SMU1: variants seen among roughly 807,000 people sequenced by gnomAD.
The protein encoded by SMU1 is SMU1 DNA replication regulator and spliceosomal factor.
Under a neutral mutation model 62.0 loss-of-function variants are expected in SMU1, and 2 were observed. The ratio of observed to expected loss-of-function variants is 0.03; its 90% CI spans 0.01 to 0.10. The LOEUF (loss-of-function observed/expected upper bound fraction) is 0.10, where lower values mean the gene tolerates loss of function less well. SMU1 is among the 10% of genes least tolerant of loss of function. The probability of loss-of-function intolerance (pLI) is 1.00; values close to 1 mark genes in which losing one functional copy is unlikely to be tolerated. For missense variants in SMU1, 227 were observed against 622.1 expected (o/e 0.36, Z 6.76); for synonymous variants, 188 against 212.4 (o/e 0.89, Z 1.00).
intron 4 of SMU1, among the ~76,000 whole-genome samples, chr9:33,063,439 A>G (rs564923318): frequency 1.3e-5 from 2 of 152,338 alleles, no homozygotes; most frequent in East Asian, 1.9e-4. Flanking sequence ...ATGTTCACAT[A>G]ATAAGCACAC....
intron 6 of SMU1, among the ~76,000 whole-genome samples, chr9:33,059,742 A>T (rs1419673074): frequency 6.7e-6 from 1 of 149,926 alleles, no homozygotes; most frequent in Non-Finnish European, 1.5e-5. Flanking sequence ...AGTAGCTGGG[A>T]TTACAGGCAC....
At chr9:33,076,546 C>T (rs201913347) in intron 1 of SMU1, 37 bp downstream of exon 1, 6 of 1,613,028 alleles carry the variant, frequency 3.7e-6, no homozygotes, top group African/African-American at 1.3e-5. Context: ...CCTCCAGGCC[C>T]CCGGCAAGGC....
At chr9:33,063,798 C>A (rs1839390284) in intron 4 of SMU1, among the ~76,000 whole-genome samples, 1 of 151,832 alleles carries the variant, frequency 6.6e-6, no homozygotes, top group Non-Finnish European at 1.5e-5. Flanking sequence ...GACACCCCCA[C>A]CACCATCTGT....
At position 33,050,989 on chromosome 9, in the gene SMU1, C is replaced by T. The variant is rs1201901745; in HGVS notation, c.1290+2134G>A. ...ACAAAAAATTAGCCGGGCGTGGTGG[C>T]GGGCGCCTGTAGTCCCAGCTACTCG... On this transcript the variant is annotated intron_variant, in intron 10 of 11. Coordinates refer to ENST00000397149, the MANE Select transcript of SMU1 (RefSeq NM_018225.3). Among the ~76,000 whole-genome samples the T allele has an allele frequency of 3.0e-5, 3 of 100,070 alleles. 1 individual carries two copies. Among genetic ancestry groups the T allele is most frequent in the African/African-American group, 7.3e-5 (2 of 27,506 alleles). 65.6% of individuals were successfully genotyped at this position (100,070 alleles called of 152,430 possible).
At chr9:33,049,684 A>T (rs1184520411) in intron 10 of SMU1, among the ~76,000 whole-genome samples, 8 of 151,988 alleles carry the variant, frequency 5.3e-5, no homozygotes, top group African/African-American at 1.9e-4. Flanking sequence ...TAATCCCAGC[A>T]CTCTGGGAGG....
At position 33,051,132 on chromosome 9, in the gene SMU1, A is replaced by T. The variant is rs1388051585; in HGVS notation, c.1290+1991T>A. Among the ~76,000 whole-genome samples, 184 of 111,248 alleles carry T rather than the reference A, an allele frequency of 1.7e-3. 16 individuals are homozygous for T. The highest frequency in any genetic ancestry group is 4.1e-3 in the Middle Eastern group (1 of 244). 73.0% of individuals were successfully genotyped at this position (111,248 alleles called of 152,430 possible). On this transcript the variant is annotated intron_variant, in intron 10 of 11. Transcript: ENST00000397149. ...CGAGACTCTGTCTCAAAAAAAAAAA[A>T]AAATAAAAATAAAAATAAAAAATAA...
intron 4 of SMU1, among the ~76,000 whole-genome samples, chr9:33,063,286 C>T (rs1014889168): frequency 6.6e-5 from 10 of 152,012 alleles, no homozygotes; most frequent in African/African-American, 2.4e-4. Flanking sequence ...TGCTTGAACC[C>T]GGGACGCAGA....
At chr9:33,064,021 G>A (rs911724567) in intron 4 of SMU1, among the ~76,000 whole-genome samples, 1 of 151,828 alleles carries the variant, frequency 6.6e-6, no homozygotes, top group African/African-American at 2.4e-5. Context: ...ATCTATCATG[G>A]TCTTACCATT....
In SMU1 at chr9:33,041,796, T is replaced by C. The variant is rs1302611685; in HGVS notation, c.*5497A>G. The C allele has an allele frequency of 1.3e-5, 2 of 152,142 alleles. No individual in the cohort carries two copies. The highest frequency in any genetic ancestry group is 2.4e-5 in the African/African-American group (1 of 41,398). 9.4% of individuals were successfully genotyped at this position (152,142 alleles called of 1,614,324 possible). The stretch of plus-strand genomic sequence containing the variant: ...TACTTCCCCCAAATATGAAGCACTT[T>C]ACTGTTTGATACATGGATGAACCTT... On this transcript the variant is annotated 3_prime_UTR_variant, in exon 12 of 12. Transcript: ENST00000397149.
intron 10 of SMU1, among the ~76,000 whole-genome samples, chr9:33,051,557 G>C (rs139925578): frequency 6.6e-6 from 1 of 152,170 alleles, no homozygotes; most frequent in Non-Finnish European, 1.5e-5. Flanking sequence ...GGCTGTGCCC[G>C]TGGGAGGGAC....
At chr9:33,069,035 G>A in intron 3 of SMU1, 101 bp from the exon 4 acceptor site, 1 of 1,415,234 alleles carries the variant, frequency 7.1e-7, no homozygotes, top group African/African-American at 1.5e-5. Flanking sequence ...AGAGGAAAAT[G>A]TGAAAAGAAA....
intron 1 of SMU1, 21 bp downstream of exon 1, chr9:33,076,562 C>G: frequency 1.2e-6 from 2 of 1,613,656 alleles, no homozygotes; most frequent in Non-Finnish European, 1.7e-6. Context: ...AAGGCGCGAA[C>G]ATCCCCACCG....
chr9:33,045,648 C>G lies in SMU1; in HGVS notation c.*1645G>C, dbSNP rs1839175758. On this transcript the variant is annotated 3_prime_UTR_variant, in exon 12 of 12. Coordinates refer to ENST00000397149, the MANE Select transcript of SMU1 (RefSeq NM_018225.3). ...TCACCTGAGGTCAGGAGTTCAAGAC[C>G]AGCCTGGCCAACATGGCAAAACCCC... is the stretch of plus-strand genomic sequence containing the variant. The G allele has an allele frequency of 6.6e-6, 1 of 152,306 alleles. No individual in the cohort carries two copies. Among genetic ancestry groups the G allele is most frequent in the South Asian group, 2.1e-4 (1 of 4,834 alleles). 9.4% of individuals were successfully genotyped at this position (152,306 alleles called of 1,614,324 possible).
At chr9:33,061,953 C>A (rs1294028485) in intron 5 of SMU1, 96 bp downstream of exon 5, 7 of 1,318,252 alleles carry the variant, frequency 5.3e-6, no homozygotes, top group Non-Finnish European at 7.4e-6. Flanking sequence ...GAGTTCTCCC[C>A]CTCAATTATC....
intron 4 of SMU1, among the ~76,000 whole-genome samples, chr9:33,067,262 T>C (rs1215571951): frequency 1.8e-5 from 2 of 108,806 alleles, no homozygotes; most frequent in Non-Finnish European, 3.6e-5. Context: ...ATAAGACAAA[T>C]CATTTTTCGC....
intron 4 of SMU1, 83 bp from the exon 5 acceptor site, chr9:33,062,260 G>C: frequency 1.3e-6 from 2 of 1,509,358 alleles, no homozygotes; most frequent in Non-Finnish European, 1.8e-6. Flanking sequence ...AAGCCCGAAA[G>C]GATGAGGTTC....
chr9:33,047,069 TA>T lies in SMU1; in HGVS notation c.*223del, dbSNP rs909311963. 2 of 401,460 alleles carry T rather than the reference TA, an allele frequency of 5.0e-6. No individual in the cohort carries two copies. The highest frequency in any genetic ancestry group is 9.0e-5 in the East Asian group (2 of 22,102). 24.9% of individuals were successfully genotyped at this position (401,460 alleles called of 1,614,324 possible). On this transcript the variant is annotated 3_prime_UTR_variant, in exon 12 of 12. Transcript: ENST00000397149. The stretch of plus-strand genomic sequence containing the variant: ...CCAGGTCGAAGATTAATGAAAACAT[TA>T]AGTGACTGCACCAGTTAGAAGAAGA...
chr9:33,053,094 C>G (rs1489048664), intron 10 of SMU1, 29 bp downstream of exon 10: 1 of 1,602,700 alleles, frequency 6.2e-7, no homozygotes, highest in Admixed American at 1.7e-5. Context: ...CCCACAGTTC[C>G]TGTGCAAGGG....
chr9:33,046,718 C>G lies in SMU1; in HGVS notation c.*575G>C, dbSNP rs1383853808. The G allele has an allele frequency of 3.9e-5, 6 of 152,256 alleles. 1 individual carries two copies. In the Middle Eastern group the frequency reaches 0.01, roughly 259 times the overall value. 9.4% of individuals were successfully genotyped at this position (152,256 alleles called of 1,614,324 possible). On this transcript the variant is annotated 3_prime_UTR_variant, in exon 12 of 12. Coordinates refer to ENST00000397149, the MANE Select transcript of SMU1 (RefSeq NM_018225.3). The stretch of plus-strand genomic sequence containing the variant: ...CCAGCCTGGCCAACATGGTGAAACC[C>G]CATCTCTACTAAAAATACAAAAAAA...
Sources: gnomAD v4.1 joint callset for allele counts (sites outside exome capture counted in the v4.1 genomes callset) on GRCh38, gnomAD v4.1.1 for gene constraint, MANE v1.5 for transcripts, NCBI Gene and HGNC (gene_info 2026-07-23, HGNC 2026-07-21) for gene names.